The following MYO1G variants were observed in gnomAD, a reference collection of about 807,000 sequenced individuals.
MYO1G encodes myosin IG.
In MYO1G, 65 loss-of-function variants were observed where a neutral mutation model predicts 115.3. The ratio of observed to expected loss-of-function variants is 0.56; its 90% CI spans 0.46 to 0.69. The LOEUF is 0.69. Among genes scored for constraint, MYO1G ranks in the 30% least tolerant of loss-of-function variants. MYO1G has a pLI of 0.00. For synonymous variants in MYO1G, 510 were observed against 552.6 expected, an observed-to-expected ratio of 0.92 and a Z score of 1.08; for missense variants, 1,204 against 1,393.5, an observed-to-expected ratio of 0.86 and a Z score of 2.16.
In MYO1G at chr7:44,976,880, G is replaced by T. The variant is rs146195000; in HGVS notation, c.287C>A (p.Thr96Asn). The change falls in exon 2 of 22, where the codon ACC becomes AAC. Residue 96 changes from threonine (T) to asparagine (N), a missense_variant. Thr to Asn is a moderately conservative substitution (Grantham distance 65, BLOSUM62 0). Coordinates refer to ENST00000258787, the MANE Select transcript of MYO1G (RefSeq NM_033054.3). ...YKAMKHRSRD[T>N]CIVISGESGA... ...ACAGGTACCTGAGATGACGATGCAG[G>T]TGTCCCTGGACCGGTGCTTCATTGC... is the stretch of plus-strand genomic sequence containing the variant. 1.9e-6 allele frequency: 3 copies of T among 1,613,310 alleles called. No individual in the cohort carries two copies. Among genetic ancestry groups the T allele is most frequent in the Admixed American group, 1.7e-5 (1 of 60,002 alleles).
In MYO1G at chr7:44,978,898, T is replaced by A; in HGVS notation, c.64A>T (p.Met22Leu). The A allele has an allele frequency of 2.5e-6, 4 of 1,614,192 alleles. No homozygotes were observed. The highest frequency in any genetic ancestry group is 3.4e-6 in the Non-Finnish European group (4 of 1,180,018). The change falls in exon 1 of 22, where the codon ATG becomes TTG. Residue 22 changes from methionine (M) to leucine (L), a missense_variant. Met to Leu is a conservative substitution (Grantham distance 15, BLOSUM62 2). Transcript: ENST00000258787. ...TGCAGGTTCCTCATGAAGTCCTCCA[T>A]GGTCACTTGGTCCAAAAGCACAAAG... ...PDFVLLDQVT[M>L]EDFMRNLQLR... is the part of the protein sequence containing the mutation.
Position 44,966,822 on chromosome 7 carries a change from C to T in MYO1G, c.1799G>A (p.Arg600His), listed in dbSNP as rs774674442. 9.9e-6 allele frequency: 16 copies of T among 1,609,534 alleles called. No individual in the cohort carries two copies. Among genetic ancestry groups the T allele is most frequent in the Admixed American group, 3.3e-5 (2 of 59,782 alleles). The part of the protein sequence containing the change: ...NLASKEPFYV[R>H]CIKPNEDKVA... ...CTTGTCCTCATTGGGCTTGATGCAGCGGACGTAGAAGGGCTCCTGCAGGGA... is the reference window on the plus strand; with the variant it reads ...CTTGTCCTCATTGGGCTTGATGCAGTGGACGTAGAAGGGCTCCTGCAGGGA... The change falls in exon 15 of 22, where the codon CGC becomes CAC. Residue 600 changes from arginine (R) to histidine (H), a missense_variant. Arg to His is a conservative substitution (Grantham distance 29). Coordinates refer to ENST00000258787, the MANE Select transcript of MYO1G (RefSeq NM_033054.3). This position sits in a 1 kb window ranked among gnomAD's most constrained non-coding sequence, Gnocchi z 5.0.
intron 5 of MYO1G, chr7:44,973,658 A>G (rs1209709605): frequency 6.7e-6 from 1 of 150,022 alleles, no homozygotes; most frequent in Non-Finnish European, 1.5e-5. Flanking sequence ...CTCCCACCTC[A>G]TGGGGAGCTC....
Position 44,969,220 on chromosome 7 carries a change from C to T in MYO1G, c.1574+193G>A, listed in dbSNP as rs1397580418. The T allele has an allele frequency of 1.6e-6, 1 of 625,786 alleles. No homozygotes were observed. Among genetic ancestry groups the T allele is most frequent in the African/African-American group, 1.8e-5 (1 of 55,308 alleles). The allele number at this position is 625,786 out of a possible 1,614,324, so 38.8% of individuals were successfully genotyped here. ...GAATGCAGCCATGGTTAACCACTAT[C>T]CTCAAACCCTGTTTCCTGCTCTTCA... On this transcript the variant is annotated intron_variant, in intron 12 of 21. Transcript: ENST00000258787. The surrounding 1 kb of genome is among the most constrained non-coding windows in gnomAD (Gnocchi z 5.0).
chr7:44,974,729 T>G, intron 5 of MYO1G: 1 of 190,686 alleles, frequency 5.2e-6, no homozygotes, highest in Non-Finnish European at 1.1e-5. Flanking sequence ...CTCAGTGGGG[T>G]GTCAAAGCTT....
At position 44,964,571 on chromosome 7, in the gene MYO1G, C is replaced by T. The variant is rs755455980; in HGVS notation, c.2527-52G>A. ...GCTGCTTGGGATTGAGTCATGGGACCAGACTCAATTGATAGCAGCTGTCTG... is the reference window on the plus strand; with the variant it reads ...GCTGCTTGGGATTGAGTCATGGGACTAGACTCAATTGATAGCAGCTGTCTG... On this transcript the variant is annotated intron_variant, in intron 18 of 21. Transcript: ENST00000258787. The surrounding 1 kb of genome is among the most constrained non-coding windows in gnomAD (Gnocchi z 5.1). 3 of 1,365,640 alleles carry T rather than the reference C, an allele frequency of 2.2e-6. No homozygotes were observed. Among genetic ancestry groups the T allele is most frequent in the Non-Finnish European group, 3.1e-6 (3 of 955,140 alleles). 84.6% of individuals were successfully genotyped at this position (1,365,640 alleles called of 1,614,324 possible). A position where few individuals can be genotyped will look rare whatever the true frequency, so the allele number is the denominator to read the frequency against.
chr7:44,976,721 C>A, intron 2 of MYO1G, 64 bp from the exon 3 acceptor site: 2 of 1,597,228 alleles, frequency 1.3e-6, no homozygotes, highest in Non-Finnish European at 1.7e-6. Context: ...GCTCCCTGTG[C>A]CCACTCACAC....
rs771657785 is a variant in MYO1G at position 44,964,945 on chromosome 7, A to G, written c.2526T>C (p.Ser842=). The G allele has an allele frequency of 1.1e-5, 18 of 1,586,830 alleles. No homozygotes were observed. The highest frequency in any genetic ancestry group is 2.7e-5 in the African/African-American group (2 of 74,170). Residue 842 remains serine (S), a splice_region_variant and synonymous_variant, in exon 18 of 22, where the codon TCT becomes TCC. Transcript: ENST00000258787. The surrounding 1 kb of genome is among the most constrained non-coding windows in gnomAD (Gnocchi z 5.1). ...RRAWARDYLS[S]ATDNPTASSL... ...AGCCCTGGACTCGCCTGGCACTTAC[A>G]GAGGACAGGTAGTCTCGGGCCCAGG...
rs773241864 is a variant in MYO1G, at chr7:44,976,662, C to T, written c.305-5G>A. ...TCTTCCCTGCCCCACTCTCCCCTGC[C>T]GGAAAGACCAGAGTTGAGAGAATCA... On this transcript the variant is annotated splice_region_variant and splice_polypyrimidine_tract_variant and intron_variant, in intron 2 of 21. Coordinates refer to ENST00000258787, the MANE Select transcript of MYO1G (RefSeq NM_033054.3). The T allele has an allele frequency of 3.7e-6, 6 of 1,614,038 alleles. No individual in the cohort carries two copies. The highest frequency in any genetic ancestry group is 1.7e-5 in the Admixed American group (1 of 60,030).
intron 5 of MYO1G, chr7:44,974,590 G>A (rs1795014074): frequency 1.2e-5 from 2 of 162,342 alleles, no homozygotes; most frequent in African/African-American, 2.4e-5. Flanking sequence ...TGGAAACACT[G>A]TCTGTGAACC....
At position 44,976,954 on chromosome 7, in the gene MYO1G, G is replaced by A; in HGVS notation, c.213C>T (p.Leu71=). The A allele has an allele frequency of 6.2e-7, 1 of 1,613,638 alleles. No homozygotes were observed. Among genetic ancestry groups the A allele is most frequent in the Non-Finnish European group, 8.5e-7 (1 of 1,180,032 alleles). The part of the protein sequence containing the change: ...EAIARYQGRE[L]YERPPHLYAV... Reference sequence around the variant, plus strand: ...CATAGAGATGGGGTGGCCGCTCATAGAGCTCACGGCCCTGGTACCTGGCGA... The same window carrying A: ...CATAGAGATGGGGTGGCCGCTCATAAAGCTCACGGCCCTGGTACCTGGCGA... The change falls in exon 2 of 22, where the codon CTC becomes CTT. Residue 71 remains leucine (L), a synonymous_variant. Transcript: ENST00000258787.
intron 8 of MYO1G, 24 bp downstream of exon 8, chr7:44,970,811 T>A (rs1411082336): frequency 6.2e-7 from 1 of 1,613,386 alleles, no homozygotes; most frequent in African/African-American, 1.3e-5. Context: ...TGGGCTTCCC[T>A]CCCTGTGCCT....
In MYO1G at chr7:44,964,197, G is replaced by A. The variant is rs1300114060; in HGVS notation, c.2632-35C>T. On this transcript the variant is annotated intron_variant, in intron 19 of 21. Transcript: ENST00000258787. The surrounding 1 kb of genome is among the most constrained non-coding windows in gnomAD (Gnocchi z 5.1). ...AGGTGGCTGGACCCAGGCTGGTGCT[G>A]CCCTGTCACCCACCAGGGCCCCAGG... The A allele has an allele frequency of 2.6e-6, 4 of 1,541,758 alleles. No homozygotes were observed. Among genetic ancestry groups the A allele is most frequent in the Non-Finnish European group, 3.5e-6 (4 of 1,133,798 alleles).
At chr7:44,965,506 T>C in intron 17 of MYO1G, 131 bp downstream of exon 17, 1 of 846,058 alleles carries the variant, frequency 1.2e-6, no homozygotes, top group Non-Finnish European at 1.9e-6. Context: ...TAATGTGGCA[T>C]AGCATCCACC....
chr7:44,966,558 G>A lies in MYO1G; in HGVS notation c.1949+114C>T. 7.5e-7 allele frequency: 1 copy of A among 1,338,770 alleles called. No individual in the cohort carries two copies. The highest frequency in any genetic ancestry group is 1.1e-6 in the Non-Finnish European group (1 of 944,340). The allele number at this position is 1,338,770 out of a possible 1,614,324, so 82.9% of individuals were successfully genotyped here. ...GTGTCTTGAGGCCAGCAGCGTGCTG[G>A]TTCCTGCTTGTATCGATGTTTGCGA... On this transcript the variant is annotated intron_variant, in intron 15 of 21. Transcript: ENST00000258787. This position sits in a 1 kb window ranked among gnomAD's most constrained non-coding sequence, Gnocchi z 5.0.
rs1317510150 is a variant in MYO1G at position 44,966,323 on chromosome 7, G to A, written c.1950-43C>T. 4 of 1,525,576 alleles carry A rather than the reference G, an allele frequency of 2.6e-6. No homozygotes were observed. Among genetic ancestry groups the A allele is most frequent in the Non-Finnish European group, 3.6e-6 (4 of 1,125,578 alleles). 94.5% of individuals were successfully genotyped at this position (1,525,576 alleles called of 1,614,324 possible). A position where few individuals can be genotyped will look rare whatever the true frequency, so the allele number is the denominator to read the frequency against. On this transcript the variant is annotated intron_variant, in intron 15 of 21. Coordinates refer to ENST00000258787, the MANE Select transcript of MYO1G (RefSeq NM_033054.3). The surrounding 1 kb of genome is among the most constrained non-coding windows in gnomAD (Gnocchi z 5.0). ...GGCAGTGTGGCCCAGGCCTGGGGGA[G>A]AGATGATGGAGCCCACCCTGCCCAC...
Position 44,971,036 on chromosome 7 carries a change from C to T in MYO1G, c.870G>A (p.Thr290=), listed in dbSNP as rs754572254. The T allele has an allele frequency of 1.4e-5, 23 of 1,612,112 alleles. No individual in the cohort carries two copies. Among genetic ancestry groups the T allele is most frequent in the Admixed American group, 8.3e-5 (5 of 59,966 alleles). The change falls in exon 8 of 22, where the codon ACG becomes ACA. Residue 290 remains threonine, a synonymous_variant. Coordinates refer to ENST00000258787, the MANE Select transcript of MYO1G (RefSeq NM_033054.3). ...LHLGNIEFVE[T]EEGGLQKEGL... is the part of the protein sequence containing the mutation. ...CCTCCTTCTGCAGCCCACCCTCCTC[C>T]GTCTCCACAAACTCGATGTTTCCCT...
Position 44,977,015 on chromosome 7 carries a change from G to C in MYO1G, c.152C>G (p.Pro51Arg). Residue 51 changes from proline (P) to arginine (R), a missense_variant, in exon 2 of 22, where the codon CCC becomes CGC. Coordinates refer to ENST00000258787, the MANE Select transcript of MYO1G (RefSeq NM_033054.3). ...CCCATACAGGGGCAGCTCCTGGTAG[G>C]GGTTCACGGACACCAGCACCTCACC... is the stretch of plus-strand genomic sequence containing the variant. ...YIGEVLVSVN[P>R]YQELPLYGPE... is the part of the protein sequence containing the mutation. The C allele has an allele frequency of 6.2e-7, 1 of 1,613,632 alleles. No individual in the cohort carries two copies. The highest frequency in any genetic ancestry group is 8.5e-7 in the Non-Finnish European group (1 of 1,180,020).
intron 1 of MYO1G, among the ~76,000 whole-genome samples, chr7:44,977,586 G>A (rs1016363683): frequency 4.6e-5 from 7 of 151,880 alleles, no homozygotes; most frequent in South Asian, 4.2e-4. Flanking sequence ...AGTTGATGTC[G>A]TTGTCTTTAC....
Sources: gnomAD v4.1 joint callset for allele counts (sites outside exome capture counted in the v4.1 genomes callset) on GRCh38, gnomAD v4.1.1 for gene constraint, Gnocchi (gnomAD v3.1) non-coding constraint, MANE v1.5 for transcripts, NCBI Gene and HGNC (gene_info 2026-07-23, HGNC 2026-07-21) for gene names.